Variants in ABCA1 observed in about 807,000 individuals in gnomAD.
ABCA1 encodes phospholipid-transporting ATPase ABCA1.
Under a neutral mutation model 262.5 loss-of-function variants are expected in ABCA1, and 133 were observed. The observed-to-expected ratio is 0.51, with a 90% CI of 0.44 to 0.59. The LOEUF (loss-of-function observed/expected upper bound fraction) is 0.59. Among genes scored for constraint, ABCA1 ranks in the 20% least tolerant of loss-of-function variants. ABCA1 has a pLI of 0.00. For missense variants in ABCA1, 2,452 were observed against 2,777.5 expected (o/e 0.88, Z 2.63); for synonymous variants, 1,022 against 1,043.5 (o/e 0.98, Z 0.40).
chr9:104,872,618 T>C (rs1370536399), intron 5 of ABCA1, among the ~76,000 whole-genome samples: 1 of 152,126 alleles, frequency 6.6e-6, no homozygotes, highest in Non-Finnish European at 1.5e-5. Flanking sequence ...ATATGAAAAA[T>C]GTAAAATGGT....
intron 1 of ABCA1, among the ~76,000 whole-genome samples, chr9:104,910,848 G>A (rs979364738): frequency 2.0e-5 from 3 of 152,098 alleles, no homozygotes; most frequent in African/African-American, 7.2e-5. Context: ...GGGATTACAG[G>A]TGCCCACCAC....
chr9:104,830,318 TG>T lies in ABCA1; in HGVS notation c.1892+606del, dbSNP rs374498008. Among the ~76,000 whole-genome samples, 528 of 152,374 alleles carry T rather than the reference TG, an allele frequency of 3.5e-3. 3 individuals are homozygous for T. Among genetic ancestry groups the T allele is most frequent in the African/African-American group, 0.012 (506 of 41,594 alleles). On this transcript the variant is annotated intron_variant, in intron 14 of 49. Transcript: ENST00000374736. The stretch of plus-strand genomic sequence containing the variant: ...GTTTCTGCATCTATGTGTGAGTATG[TG>T]CTTGCATGTGTTTGTCATGACACAT...
intron 5 of ABCA1, among the ~76,000 whole-genome samples, chr9:104,866,333 A>C (rs1837083203): frequency 6.6e-6 from 1 of 152,060 alleles, no homozygotes; most frequent in Non-Finnish European, 1.5e-5. Context: ...AATGGGTGGA[A>C]AGCCAAGAAT....
At chr9:104,860,228 CTCCAAGGACCA>C (rs763503764) in intron 6 of ABCA1, among the ~76,000 whole-genome samples, 17 of 151,972 alleles carry the variant, frequency 1.1e-4, no homozygotes, top group Admixed American at 3.3e-4. Flanking sequence ...AATACAGAAA[CTCCAAGGACCA>C]TCCAAGGACC....
intron 2 of ABCA1, among the ~76,000 whole-genome samples, chr9:104,897,319 G>C (rs1840310852): frequency 6.6e-6 from 1 of 152,032 alleles, no homozygotes; most frequent in African/African-American, 2.4e-5. Context: ...TGGATCCTCT[G>C]GAAAGACATC....
At position 104,812,462 on chromosome 9, in the gene ABCA1, A is replaced by G. The variant is rs1043203113; in HGVS notation, c.4050+112T>C. On this transcript the variant is annotated intron_variant, in intron 28 of 49. Transcript: ENST00000374736. ...AGAACTGGGATTGAAATACAGATAAATCTGGCTCCGGCATCCATATCTTGA... is the reference window on the plus strand; with the variant it reads ...AGAACTGGGATTGAAATACAGATAAGTCTGGCTCCGGCATCCATATCTTGA... 2.1e-6 allele frequency: 3 copies of G among 1,398,010 alleles called. No homozygotes were observed. The African/African-American group carries it at 4.3e-5, about 20-fold the overall frequency. 86.6% of individuals were successfully genotyped at this position (1,398,010 alleles called of 1,614,324 possible).
At chr9:104,828,201 C>T (rs767903188) in intron 15 of ABCA1, among the ~76,000 whole-genome samples, 7 of 152,198 alleles carry the variant, frequency 4.6e-5, no homozygotes, top group Non-Finnish European at 8.8e-5. Flanking sequence ...TTTGTCACAG[C>T]AGCAGAGAGC....
intron 49 of ABCA1, among the ~76,000 whole-genome samples, chr9:104,784,743 G>A (rs2472470): frequency 0.81 from 122,598 of 152,132 alleles, 50,019 homozygotes; most frequent in African/African-American, 0.9. Flanking sequence ...TCCTGGGTTC[G>A]AGCAATTCTC....
intron 14 of ABCA1, 35 bp from the exon 15 acceptor site, chr9:104,829,173 A>C (rs1233712390): frequency 1.2e-6 from 2 of 1,610,880 alleles, no homozygotes; most frequent in Admixed American, 1.7e-5. Context: ...GGGAGAAAGA[A>C]AGACACACGT....
intron 34 of ABCA1, among the ~76,000 whole-genome samples, 159 bp downstream of exon 34, chr9:104,801,894 GT>G (rs1211849042): frequency 3.3e-5 from 5 of 152,158 alleles, no homozygotes; most frequent in Non-Finnish European, 5.9e-5. Flanking sequence ...AAGTAATTCA[GT>G]TTTGTCTGGC....
chr9:104,849,142 C>T (rs1284546511), intron 7 of ABCA1, among the ~76,000 whole-genome samples: 1 of 152,198 alleles, frequency 6.6e-6, no homozygotes, highest in Non-Finnish European at 1.5e-5. Context: ...TTTCTTAACT[C>T]TGGAGCAAGC....
chr9:104,814,259 C>G, intron 26 of ABCA1, 28 bp from the exon 27 acceptor site: 1 of 1,610,482 alleles, frequency 6.2e-7, no homozygotes. Flanking sequence ...GAATCCCATA[C>G]TTTATTTTAT....
At chr9:104,919,787 T>C (rs969598963) in intron 1 of ABCA1, among the ~76,000 whole-genome samples, 2 of 152,212 alleles carry the variant, frequency 1.3e-5, no homozygotes, top group Admixed American at 1.3e-4. Flanking sequence ...GCATTTCAGA[T>C]GAGAACCCCT....
intron 16 of ABCA1, 43 bp downstream of exon 16, chr9:104,826,905 G>A (rs1199666268): frequency 3.8e-6 from 6 of 1,573,930 alleles, no homozygotes; most frequent in Middle Eastern, 2.1e-4. Flanking sequence ...CCAAAGGAAG[G>A]TCAAATGCCT....
At chr9:104,805,488 A>G (rs958562081) in intron 31 of ABCA1, among the ~76,000 whole-genome samples, 4 of 152,174 alleles carry the variant, frequency 2.6e-5, no homozygotes, top group East Asian at 1.9e-4. Flanking sequence ...GCAGAGAGCT[A>G]TCATAAGCAC....
In ABCA1 at chr9:104,802,095, C is replaced by G. The variant is rs942230085; in HGVS notation, c.4657G>C (p.Asp1553His). Residue 1553 changes from aspartate to histidine, a missense_variant, in exon 34 of 50, where the codon GAT becomes CAT. Physicochemically the swap from Asp to His is moderately conservative, Grantham distance 81. Coordinates refer to ENST00000374736, the MANE Select transcript of ABCA1 (RefSeq NM_005502.4). ...TGTTTCTTCATTTGTTTGATGGCAT[C>G]ATTAACTTCTTGACTCGGAGGAAGT... is the stretch of plus-strand genomic sequence containing the variant. The part of the protein sequence containing the change: ...QALPPSQEVN[D>H]AIKQMKKHLK... 3 of 1,614,146 alleles carry G rather than the reference C, an allele frequency of 1.9e-6. No individual in the cohort carries two copies. The highest frequency in any genetic ancestry group is 2.5e-6 in the Non-Finnish European group (3 of 1,180,032).
chr9:104,787,038 T>G, intron 46 of ABCA1, 62 bp from the exon 47 acceptor site: 1 of 1,473,358 alleles, frequency 6.8e-7, no homozygotes, highest in Non-Finnish European at 9.4e-7. Context: ...GATAAATTTG[T>G]TTTTAAATGC....
At chr9:104,880,832 T>G (rs1838578059) in intron 5 of ABCA1, among the ~76,000 whole-genome samples, 1 of 152,036 alleles carries the variant, frequency 6.6e-6, no homozygotes, top group Admixed American at 6.5e-5. Context: ...ATTTGGCTTC[T>G]TCACCACTTA....
intron 7 of ABCA1, 87 bp from the exon 8 acceptor site, chr9:104,845,656 C>A: frequency 1.1e-6 from 1 of 934,130 alleles, no homozygotes; most frequent in South Asian, 1.4e-5. Context: ...TAAAACTGTT[C>A]ACAATCTTGA....
Sources: allele counts gnomAD v4.1 joint callset (sites outside exome capture counted in the v4.1 genomes callset), GRCh38; gene constraint gnomAD v4.1.1; transcripts MANE v1.5; gene names NCBI Gene and HGNC (gene_info 2026-07-23, HGNC 2026-07-21).